The following SARNP variants were observed in gnomAD, a reference collection of about 807,000 sequenced individuals.
SARNP encodes SAP domain containing ribonucleoprotein, also known as SAP domain-containing ribonucleoprotein.
In SARNP, 5 loss-of-function variants were observed where a neutral mutation model predicts 38.1. The ratio of observed to expected loss-of-function variants is 0.13; its 90% CI spans 0.07 to 0.28. SARNP has a LOEUF of 0.28. Among genes scored for constraint, SARNP ranks in the 10% least tolerant of loss-of-function variants. The pLI is 1.00. For synonymous variants in SARNP, 84 were observed against 80.6 expected (o/e 1.04, Z -0.23); for missense variants, 180 against 243.9 (o/e 0.74, Z 1.75).
chr12:55,803,907 A>G (rs567092584), intron 1 of SARNP, among the ~76,000 whole-genome samples, 179 bp from the exon 2 acceptor site: 1 of 152,330 alleles, frequency 6.6e-6, no homozygotes, highest in Non-Finnish European at 1.5e-5. Context: ...ACGATATTCA[A>G]TATACAAGAG....
intron 1 of SARNP, among the ~76,000 whole-genome samples, chr12:55,810,314 T>C (rs1465893007): frequency 6.6e-6 from 1 of 152,068 alleles, no homozygotes; most frequent in Non-Finnish European, 1.5e-5. Flanking sequence ...GGTCTCACTA[T>C]GTTGCCCAGG....
intron 9 of SARNP, chr12:55,761,518 A>T (rs1878675307): frequency 1.3e-5 from 2 of 152,242 alleles, no homozygotes; most frequent in Non-Finnish European, 2.9e-5. Flanking sequence ...TCTAAGAGAA[A>T]TGCTGTGGAC....
At chr12:55,766,753 G>A (rs1878848874) in intron 9 of SARNP, among the ~76,000 whole-genome samples, 1 of 151,688 alleles carries the variant, frequency 6.6e-6, no homozygotes, top group East Asian at 1.9e-4. Context: ...CTTCCAAGCA[G>A]CTGGGACCAC....
chr12:55,766,992 T>C (rs1003774881), intron 9 of SARNP, among the ~76,000 whole-genome samples: 1 of 152,168 alleles, frequency 6.6e-6, no homozygotes, highest in Non-Finnish European at 1.5e-5. Context: ...TTAGTATCAT[T>C]GTATTTTCCA....
At chr12:55,769,188 A>G (rs1878934473) in intron 9 of SARNP, among the ~76,000 whole-genome samples, 1 of 152,194 alleles carries the variant, frequency 6.6e-6, no homozygotes, top group Non-Finnish European at 1.5e-5. Flanking sequence ...CAGGTTCTCT[A>G]AAGGCCCCTG....
chr12:55,777,563 A>G (rs1879219195), intron 9 of SARNP, among the ~76,000 whole-genome samples: 1 of 151,968 alleles, frequency 6.6e-6, no homozygotes, highest in Non-Finnish European at 1.5e-5. Flanking sequence ...TTTAGTAGAG[A>G]CAGGGTTTCA....
intron 9 of SARNP, among the ~76,000 whole-genome samples, chr12:55,778,544 G>C (rs1251462479): frequency 6.6e-6 from 1 of 152,126 alleles, no homozygotes; most frequent in Non-Finnish European, 1.5e-5. Context: ...TAAAGGGGAG[G>C]AGACAGAAAA....
At position 55,758,905 on chromosome 12, in the gene SARNP, C is replaced by CTT. The variant is rs1161845803; in HGVS notation, c.592-1354_592-1353dup. Among the ~76,000 whole-genome samples the CTT allele has an allele frequency of 1.5e-3, 206 of 136,648 alleles. 1 individual carries two copies. The highest frequency in any genetic ancestry group is 4.8e-3 in the African/African-American group (178 of 36,884). 89.6% of individuals were successfully genotyped at this position (136,648 alleles called of 152,430 possible). A position where few individuals can be genotyped will look rare whatever the true frequency, so the allele number is the denominator to read the frequency against. The stretch of plus-strand genomic sequence containing the variant: ...AGCAATGCAAGAACAGCCTAATATA[C>CTT]TTTTTTTTTTTTTTTTTTTGAGACA... On this transcript the variant is annotated intron_variant, in intron 10 of 10. Transcript: ENST00000336133.
intron 1 of SARNP, among the ~76,000 whole-genome samples, chr12:55,809,488 T>C (rs1407552221): frequency 6.6e-6 from 1 of 150,880 alleles, no homozygotes; most frequent in Non-Finnish European, 1.5e-5. Flanking sequence ...GGCACAGTGA[T>C]TCACATCTGT....
intron 4 of SARNP, among the ~76,000 whole-genome samples, chr12:55,800,148 G>A (rs193038874): frequency 7.9e-5 from 12 of 151,676 alleles, no homozygotes; most frequent in African/African-American, 1.9e-4. Context: ...CCAAGATCAC[G>A]CCACTGCACT....
At chr12:55,798,655 T>A (rs1406731632) in intron 4 of SARNP, among the ~76,000 whole-genome samples, 2 of 152,154 alleles carry the variant, frequency 1.3e-5, no homozygotes, top group African/African-American at 4.8e-5. Context: ...CATTTTTTTT[T>A]AATGAATAAT....
chr12:55,761,941 G>A (rs1878688839), intron 9 of SARNP: 3 of 152,196 alleles, frequency 2.0e-5, no homozygotes, highest in African/African-American at 7.2e-5. Flanking sequence ...CTAAAGAGCA[G>A]GACAGTTTCT....
intron 7 of SARNP, among the ~76,000 whole-genome samples, chr12:55,791,088 A>T (rs142646554): frequency 2.6e-5 from 4 of 152,372 alleles, no homozygotes; most frequent in African/African-American, 9.6e-5. Context: ...ATCCAGTCAC[A>T]AAAGACAATA....
intron 9 of SARNP, among the ~76,000 whole-genome samples, chr12:55,784,330 C>T (rs1386030588): frequency 6.6e-6 from 1 of 152,160 alleles, no homozygotes; most frequent in African/African-American, 2.4e-5. Flanking sequence ...TAAACACAAA[C>T]TTAACCAAGT....
intron 9 of SARNP, among the ~76,000 whole-genome samples, chr12:55,773,572 A>G (rs1879073967): frequency 6.6e-6 from 1 of 152,248 alleles, no homozygotes; most frequent in African/African-American, 2.4e-5. Context: ...TGCCAAAACA[A>G]GATCAGGGCA....
intron 2 of SARNP, among the ~76,000 whole-genome samples, chr12:55,802,713 A>G (rs115876912): frequency 0.011 from 1,717 of 151,350 alleles, 35 homozygotes; most frequent in African/African-American, 0.038. Flanking sequence ...ATAACACTCA[A>G]CCCATAGTAT....
intron 9 of SARNP, among the ~76,000 whole-genome samples, chr12:55,781,754 T>C (rs185800729): frequency 6.6e-6 from 1 of 152,324 alleles, no homozygotes; most frequent in Admixed American, 6.5e-5. Flanking sequence ...GGTCTTGCTC[T>C]GTTTCCCAGG....
Position 55,760,879 on chromosome 12 carries a change from TAAAG to T in SARNP, c.502-243_502-240del, listed in dbSNP as rs570266859. ...CTCAATACTCATAAGACAAGTAGGG[TAAAG>T]AAACAGTAAGAGGCCGGGCACGGTG... On this transcript the variant is annotated intron_variant, in intron 9 of 10. Coordinates refer to ENST00000336133, the MANE Select transcript of SARNP (RefSeq NM_033082.4). 1.5e-3 allele frequency: 654 copies of T among 425,732 alleles called. 6 individuals are homozygous for T. The highest frequency in any genetic ancestry group is 0.012 in the African/African-American group (608 of 50,208). The allele number at this position is 425,732 out of a possible 1,614,324, so 26.4% of individuals were successfully genotyped here.
At chr12:55,767,276 G>A (rs1163542510) in intron 9 of SARNP, among the ~76,000 whole-genome samples, 1 of 152,094 alleles carries the variant, frequency 6.6e-6, no homozygotes, top group Non-Finnish European at 1.5e-5. Context: ...CTAGTGTGGT[G>A]GTTCACACAT....
Sources: allele counts gnomAD v4.1 joint callset (sites outside exome capture counted in the v4.1 genomes callset), GRCh38; gene constraint gnomAD v4.1.1; transcripts MANE v1.5; gene names NCBI Gene and HGNC (gene_info 2026-07-23, HGNC 2026-07-21).